GPR101: variants seen among roughly 807,000 people sequenced by gnomAD.
The protein encoded by GPR101 is probable G protein-coupled receptor 101.
In GPR101, 8 loss-of-function variants were observed where a neutral mutation model predicts 16.4. The observed-to-expected ratio is 0.49, with a 90% CI of 0.29 to 0.88. The LOEUF (loss-of-function observed/expected upper bound fraction) is 0.88, where lower values mean the gene tolerates loss of function less well. Ranked by LOEUF, GPR101 falls within the 40% of genes least tolerant of loss-of-function variation. The probability of loss-of-function intolerance (pLI) is 0.09; values close to 1 mark genes in which losing one functional copy is unlikely to be tolerated. For missense variants in GPR101, 375 were observed against 411.7 expected (o/e 0.91, Z 0.77); for synonymous variants, 155 against 168.7 (o/e 0.92, Z 0.63).
rs1342547035 is a variant in GPR101 at position 137,031,537 on chromosome X, G to A, written c.138C>T (p.Phe46=). 7.4e-6 allele frequency: 9 copies of A among 1,210,033 alleles called. No homozygotes were observed. Among genetic ancestry groups the A allele is most frequent in the Non-Finnish European group, 1.0e-5 (9 of 895,181 alleles). ...TVLVIFLAAS[F]VGNIVLALVL... is the part of the protein sequence containing the mutation. ...CTAGCGCCAGCACTATGTTGCCGAC[G>A]AAAGAGGCGGCGAGGAAGATAACCA... Residue 46 remains phenylalanine (F), a synonymous_variant, in exon 2 of 2, where the codon TTC becomes TTT. Transcript: ENST00000651716.
Position 137,030,296 on chromosome X carries a change from G to A in GPR101, c.1379C>T (p.Thr460Ile). 8.3e-7 allele frequency: 1 copy of A among 1,211,229 alleles called. No homozygotes were observed. Among genetic ancestry groups the A allele is most frequent in the Non-Finnish European group, 1.1e-6 (1 of 895,328 alleles). Residue 460 changes from threonine to isoleucine, a missense_variant, in exon 2 of 2, where the codon ACC becomes ATC. By Grantham distance (89) the Thr-to-Ile change is moderately conservative. Transcript: ENST00000651716. ...CATGTCCTGGATTTCCTTCTTAATG[G>A]TCTTGTGCATGTAGCCATAGACATA... ...HPYVYGYMHK[T>I]IKKEIQDMLK...
In GPR101 at chrX:137,033,906, G is replaced by A. The variant is rs1263867377; in HGVS notation, c.-197C>T. Among the ~76,000 whole-genome samples, 8 of 112,088 alleles carry A rather than the reference G, an allele frequency of 7.1e-5. No homozygotes were observed. The highest frequency in any genetic ancestry group is 2.6e-4 in the African/African-American group (8 of 31,068). ...TCGGGGCTCGGGCGGCTGCGAGCTG[G>A]CACGGGGCAGCGGGCGCTGCGGGCG... On this transcript the variant is annotated 5_prime_UTR_variant, in exon 1 of 2. Coordinates refer to ENST00000651716, the MANE Select transcript of GPR101 (RefSeq NM_054021.2).
rs961169436 is a variant in GPR101 at position 137,026,407 on chromosome X, T to C, written c.*3741A>G. 7.1e-5 allele frequency among the ~76,000 whole-genome samples: 8 copies of C among 112,104 alleles called. No homozygotes were observed. The highest frequency in any genetic ancestry group is 3.8e-5 in the Non-Finnish European group (2 of 53,254). On this transcript the variant is annotated 3_prime_UTR_variant, in exon 2 of 2. Coordinates refer to ENST00000651716, the MANE Select transcript of GPR101 (RefSeq NM_054021.2). ...TACCAGATGATGCGTATTTTTTTTC[T>C]TCCAAATGATGTGTTTCAGACACTT...
rs1000716283 is a variant in GPR101, at chrX:137,030,074, G to A, written c.*74C>T. 2.2e-6 allele frequency: 2 copies of A among 929,364 alleles called. No homozygotes were observed. The highest frequency in any genetic ancestry group is 3.0e-6 in the Non-Finnish European group (2 of 672,694). The allele number at this position is 929,364 out of a possible 1,213,427, so 76.6% of individuals were successfully genotyped here. Reference sequence around the variant, plus strand: ...TGGTATGGTTTGGCATTAATGAATTGTGGGTCCATTGAAAAGAAATCTCCT... The same window carrying A: ...TGGTATGGTTTGGCATTAATGAATTATGGGTCCATTGAAAAGAAATCTCCT... On this transcript the variant is annotated 3_prime_UTR_variant, in exon 2 of 2. Transcript: ENST00000651716.
rs1299982818 is a variant in GPR101, at chrX:137,029,678, C to G, written c.*470G>C. On this transcript the variant is annotated 3_prime_UTR_variant, in exon 2 of 2. Coordinates refer to ENST00000651716, the MANE Select transcript of GPR101 (RefSeq NM_054021.2). ...CATATGTTGATCAGTCCATTAGGTT[C>G]TGTTTCTTGGGCTCCATGAATGATT... Among the ~76,000 whole-genome samples, 1 of 111,951 alleles carries G rather than the reference C, an allele frequency of 8.9e-6. No homozygotes were observed. Among genetic ancestry groups the G allele is most frequent in the East Asian group, 2.8e-4 (1 of 3,583 alleles).
rs1927158305 is a variant in GPR101, at chrX:137,025,517, C to G, written c.*4631G>C. Among the ~76,000 whole-genome samples, 1 of 112,532 alleles carries G rather than the reference C, an allele frequency of 8.9e-6. No individual in the cohort carries two copies. Among genetic ancestry groups the G allele is most frequent in the Non-Finnish European group, 1.9e-5 (1 of 53,325 alleles). Reference sequence around the variant, plus strand: ...GAAAATCCACTCACGTTTGAAACATCAAACTAAAACCAATCTTGTTTTTCT... The same window carrying G: ...GAAAATCCACTCACGTTTGAAACATGAAACTAAAACCAATCTTGTTTTTCT... On this transcript the variant is annotated 3_prime_UTR_variant, in exon 2 of 2. Coordinates refer to ENST00000651716, the MANE Select transcript of GPR101 (RefSeq NM_054021.2).
chrX:137,028,557 C>T lies in GPR101; in HGVS notation c.*1591G>A, dbSNP rs1409516166. ...CATTTTCAACCAAACACTCCCTCCA[C>T]CCATATTGACAGTGGATTTCTGCAT... On this transcript the variant is annotated 3_prime_UTR_variant, in exon 2 of 2. Transcript: ENST00000651716. Among the ~76,000 whole-genome samples the T allele has an allele frequency of 8.9e-6, 1 of 112,378 alleles. No individual in the cohort carries two copies. Among genetic ancestry groups the T allele is most frequent in the Non-Finnish European group, 1.9e-5 (1 of 53,236 alleles).
At position 137,031,511 on chromosome X, in the gene GPR101, A is replaced by T. The variant is rs758779861; in HGVS notation, c.164T>A (p.Val55Glu). ...CAGCAGCTGCGGCTTGCGCTGCAAC[A>T]CTAGCGCCAGCACTATGTTGCCGAC... ...SFVGNIVLAL[V>E]LQRKPQLLQV... is the part of the protein sequence containing the mutation. The change falls in exon 2 of 2, where the codon GTG (valine) becomes GAG (glutamate). Residue 55 changes from valine (V) to glutamate (E), a missense_variant. Transcript: ENST00000651716. The T allele has an allele frequency of 3.8e-5, 46 of 1,207,816 alleles. No individual in the cohort carries two copies. The highest frequency in any genetic ancestry group is 5.0e-5 in the Non-Finnish European group (45 of 894,045).
Position 137,030,150 on chromosome X carries a change from A to G in GPR101, c.1525T>C (p.Ter509ArgextTer2), listed in dbSNP as rs764615883. ...VPSYDSATFP[*>R] ...CAAGGTTTGCCTTAGAACTAACTTC[A>G]AGGAAAAGTAGCAGAATCGTAGGAA... The change falls in exon 2 of 2, where the codon TGA (stop) becomes CGA (arginine). Residue 509 changes from the stop codon to arginine, a stop_lost. Coordinates refer to ENST00000651716, the MANE Select transcript of GPR101 (RefSeq NM_054021.2). 44 of 1,170,327 alleles carry G rather than the reference A, an allele frequency of 3.8e-5. 1 individual carries two copies. In the Admixed American group the frequency reaches 1.0e-3, roughly 28 times the overall value.
Position 137,030,259 on chromosome X carries a change from G to T in GPR101, c.1416C>A (p.Phe472Leu). The change falls in exon 2 of 2, where the codon TTC becomes TTA. Residue 472 changes from phenylalanine to leucine, a missense_variant. Phe to Leu is a conservative substitution (Grantham distance 22). Coordinates refer to ENST00000651716, the MANE Select transcript of GPR101 (RefSeq NM_054021.2). ...KKEIQDMLKK[F>L]FCKEKPPKED... Reference sequence around the variant, plus strand: ...CTTTCGGGGGCTTTTCCTTGCAGAAGAACTTCTTCAGCATGTCCTGGATTT... The same window carrying T: ...CTTTCGGGGGCTTTTCCTTGCAGAATAACTTCTTCAGCATGTCCTGGATTT... 3.3e-6 allele frequency: 4 copies of T among 1,211,636 alleles called. No homozygotes were observed. Among genetic ancestry groups the T allele is most frequent in the Non-Finnish European group, 4.5e-6 (4 of 895,404 alleles).
In GPR101 at chrX:137,028,872, A is replaced by G. The variant is rs763440610; in HGVS notation, c.*1276T>C. On this transcript the variant is annotated 3_prime_UTR_variant, in exon 2 of 2. Coordinates refer to ENST00000651716, the MANE Select transcript of GPR101 (RefSeq NM_054021.2). ...CTGATCTGAATGCTCTGATTTTAGGACTGTTTGGAATAGGTTACATGTTTT... is the reference window on the plus strand; with the variant it reads ...CTGATCTGAATGCTCTGATTTTAGGGCTGTTTGGAATAGGTTACATGTTTT... Among the ~76,000 whole-genome samples, 185 of 112,197 alleles carry G rather than the reference A, an allele frequency of 1.6e-3. No individual in the cohort carries two copies. Among genetic ancestry groups the G allele is most frequent in the Non-Finnish European group, 2.6e-3 (136 of 53,190 alleles).
rs1215909380 is a variant in GPR101 at position 137,033,878 on chromosome X, C to G, written c.-169G>C. 7.1e-5 allele frequency among the ~76,000 whole-genome samples: 8 copies of G among 112,188 alleles called. No homozygotes were observed. The highest frequency in any genetic ancestry group is 7.6e-5 in the Non-Finnish European group (4 of 52,937). ...GGCTCCTCGCGCTCGTCCCGGCCGC[C>G]TCTCGGGGCTCGGGCGGCTGCGAGC... On this transcript the variant is annotated 5_prime_UTR_variant, in exon 1 of 2. Transcript: ENST00000651716.
chrX:137,030,810 C>G lies in GPR101; in HGVS notation c.865G>C (p.Gly289Arg). The change falls in exon 2 of 2, where the codon GGA becomes CGA. Residue 289 changes from glycine (G) to arginine (R), a missense_variant. Physicochemically the swap from Gly to Arg is moderately radical, Grantham distance 125. Transcript: ENST00000651716. ...CTACTCTCACTGGTCCCCGTGCTTC[C>G]TTCCTTGGCCTTCAGGCTGCCGTCC... ...AKDGSLKAKE[G>R]STGTSESSVE... The G allele has an allele frequency of 8.3e-7, 1 of 1,211,676 alleles. No homozygotes were observed. The highest frequency in any genetic ancestry group is 1.7e-5 in the African/African-American group (1 of 57,722).
rs1414074398 is a variant in GPR101, at chrX:137,027,098, A to ATCACAGAAG, written c.*3041_*3049dup. Among the ~76,000 whole-genome samples, 23 of 108,144 alleles carry ATCACAGAAG rather than the reference A, an allele frequency of 2.1e-4. No individual in the cohort carries two copies. Among genetic ancestry groups the ATCACAGAAG allele is most frequent in the Admixed American group, 9.2e-4 (9 of 9,827 alleles). 93.9% of individuals were successfully genotyped at this position (108,144 alleles called of 115,157 possible). Reference sequence around the variant, plus strand: ...TGTCTCAGAGAAGTGGGACCCTAGCATCACAGAAGTCACAGAAGCCCAGGG... The same window carrying ATCACAGAAG: ...TGTCTCAGAGAAGTGGGACCCTAGCATCACAGAAGTCACAGAAGTCACAGAAGCCCAGGG... On this transcript the variant is annotated 3_prime_UTR_variant, in exon 2 of 2. Transcript: ENST00000651716.
At position 137,027,447 on chromosome X, in the gene GPR101, G is replaced by C. The variant is rs939005337; in HGVS notation, c.*2701C>G. Among the ~76,000 whole-genome samples the C allele has an allele frequency of 3.6e-4, 40 of 110,693 alleles. No individual in the cohort carries two copies. The highest frequency in any genetic ancestry group is 1.3e-3 in the African/African-American group (40 of 30,381). On this transcript the variant is annotated 3_prime_UTR_variant, in exon 2 of 2. Coordinates refer to ENST00000651716, the MANE Select transcript of GPR101 (RefSeq NM_054021.2). ...TTTCAGATTTTCAAATGACAAAACA[G>C]TATGTGCAGTAAAACCTCATTAAGT... is the stretch of plus-strand genomic sequence containing the variant.
chrX:137,031,009 C>T lies in GPR101; in HGVS notation c.666G>A (p.Gln222=). 4 of 1,212,256 alleles carry T rather than the reference C, an allele frequency of 3.3e-6. No homozygotes were observed. Among genetic ancestry groups the T allele is most frequent in the Non-Finnish European group, 4.5e-6 (4 of 895,532 alleles). ...YSVVFCAARR[Q]HALLYNVKRH... is the part of the protein sequence containing the mutation. The stretch of plus-strand genomic sequence containing the variant: ...TCTTGACATTGTACAGCAGAGCATG[C>T]TGCCTCCGGGCTGCACAGAACACCA... Residue 222 remains glutamine (Q), a synonymous_variant, in exon 2 of 2, where the codon CAG becomes CAA. Transcript: ENST00000651716.
Position 137,030,243 on chromosome X carries a change from G to C in GPR101, c.1432C>G (p.Pro478Ala), listed in dbSNP as rs1276646764. 1 of 1,211,158 alleles carries C rather than the reference G, an allele frequency of 8.3e-7. No individual in the cohort carries two copies. Among genetic ancestry groups the C allele is most frequent in the African/African-American group, 1.7e-5 (1 of 57,744 alleles). ...TCTGGGTGGCTATCTTCTTTCGGGG[G>C]CTTTTCCTTGCAGAAGAACTTCTTC... ...MLKKFFCKEK[P>A]PKEDSHPDLP... The change falls in exon 2 of 2, where the codon CCC becomes GCC. Residue 478 changes from proline (P) to alanine (A), a missense_variant. Pro to Ala is a conservative substitution (Grantham distance 27). Coordinates refer to ENST00000651716, the MANE Select transcript of GPR101 (RefSeq NM_054021.2).
In GPR101 at chrX:137,031,496, G is replaced by A; in HGVS notation, c.179C>T (p.Pro60Leu). ...IVLALVLQRK[P>L]QLLQVTNRFI... ...ACGGTTGGTCACCTGCAGCAGCTGC[G>A]GCTTGCGCTGCAACACTAGCGCCAG... Residue 60 changes from proline to leucine, a missense_variant, in exon 2 of 2, where the codon CCG becomes CTG. Transcript: ENST00000651716. The A allele has an allele frequency of 5.0e-6, 6 of 1,205,156 alleles. No homozygotes were observed. The highest frequency in any genetic ancestry group is 6.7e-6 in the Non-Finnish European group (6 of 892,445).
chrX:137,031,452 C>T lies in GPR101; in HGVS notation c.223G>A (p.Val75Ile). The T allele has an allele frequency of 7.6e-6, 9 of 1,191,662 alleles. No homozygotes were observed. The highest frequency in any genetic ancestry group is 1.0e-5 in the Non-Finnish European group (9 of 884,700). ...VTNRFIFNLL[V>I]TDLLQISLVA... ...AGCGAAATCTGCAGCAGGTCGGTGACGAGGAGGTTAAAGATAAAACGGTTG... is the reference window on the plus strand; with the variant it reads ...AGCGAAATCTGCAGCAGGTCGGTGATGAGGAGGTTAAAGATAAAACGGTTG... The change falls in exon 2 of 2, where the codon GTC becomes ATC. Residue 75 changes from valine (V) to isoleucine (I), a missense_variant. Val to Ile is a conservative substitution (Grantham distance 29, BLOSUM62 3). Transcript: ENST00000651716.
Sources: gnomAD v4.1 joint callset for allele counts (sites outside exome capture counted in the v4.1 genomes callset) on GRCh38, gnomAD v4.1.1 for gene constraint, MANE v1.5 for transcripts, NCBI Gene and HGNC (gene_info 2026-07-23, HGNC 2026-07-21) for gene names.